AGAP1: variants seen among roughly 807,000 people sequenced by gnomAD.
AGAP1 encodes arf-GAP with GTPase, ANK repeat and PH domain-containing protein 1.
In AGAP1, 29 loss-of-function variants were observed where a neutral mutation model predicts 105.3. The observed-to-expected ratio is 0.28, with a 90% CI of 0.21 to 0.38. AGAP1 has a LOEUF of 0.38. Among genes scored for constraint, AGAP1 ranks in the 10% least tolerant of loss-of-function variants. AGAP1 has a pLI of 1.00. For synonymous variants in AGAP1, 509 were observed against 485.9 expected, an observed-to-expected ratio of 1.05 and a Z score of -0.63; for missense variants, 998 against 1,165.1, an observed-to-expected ratio of 0.86 and a Z score of 2.09.
At position 235,636,993 on chromosome 2, in the gene AGAP1, C is replaced by T. The variant is rs568260284; in HGVS notation, c.164-72186C>T. 4.6e-5 allele frequency among the ~76,000 whole-genome samples: 7 copies of T among 152,146 alleles called. No homozygotes were observed. In the South Asian group the frequency reaches 1.0e-3, roughly 23 times the overall value. The stretch of plus-strand genomic sequence containing the variant: ...AGGCTCGCAGCAGACCCTCCCTCAC[C>T]GCCCCTAAAGGAACCCGCCCTGCTG... On this transcript the variant is annotated intron_variant, in intron 1 of 17. Transcript: ENST00000304032.
chr2:236,072,659 C>G (rs1296211759), intron 16 of AGAP1: 1 of 152,198 alleles, frequency 6.6e-6, no homozygotes, highest in South Asian at 2.1e-4. Flanking sequence ...CAGGATCTCA[C>G]TTTGTTAGCC....
intron 14 of AGAP1, among the ~76,000 whole-genome samples, chr2:236,037,609 C>T (rs1576133474): frequency 6.6e-6 from 1 of 152,076 alleles, no homozygotes; most frequent in Admixed American, 6.5e-5. Context: ...GGTTTCATCA[C>T]GTTGCCCAGG....
Position 235,730,477 on chromosome 2 carries a change from T to TTAAAA in AGAP1, c.311-10486_311-10485insTAAAA, listed in dbSNP as rs1553616002. Among the ~76,000 whole-genome samples, 15 of 123,872 alleles carry TTAAAA rather than the reference T, an allele frequency of 1.2e-4. No homozygotes were observed. The South Asian group carries it at 1.4e-3, about 12-fold the overall frequency. 81.3% of individuals were successfully genotyped at this position (123,872 alleles called of 152,430 possible). A position where few individuals can be genotyped will look rare whatever the true frequency, so the allele number is the denominator to read the frequency against. ...TTGCAATGCTCTTTTGTTTACCTTT[T>TTAAAA]AAAAAAAAAAAAAAAAAAAAACGAG... On this transcript the variant is annotated intron_variant, in intron 3 of 17. Transcript: ENST00000304032.
intron 1 of AGAP1, among the ~76,000 whole-genome samples, chr2:235,589,598 C>T (rs1945262824): frequency 1.3e-5 from 2 of 152,142 alleles, no homozygotes; most frequent in Non-Finnish European, 2.9e-5. Flanking sequence ...AGGACCATGT[C>T]CGCTCTAGGT....
chr2:235,959,644 C>A lies in AGAP1; in HGVS notation c.1484-8818C>A, dbSNP rs116291320. ...GCCCGACTTCTGTCTCCTGCCACGG[C>A]CCCCCTCAATTCACATCCTAATTCA... On this transcript the variant is annotated intron_variant, in intron 12 of 17. Coordinates refer to ENST00000304032, the MANE Select transcript of AGAP1 (RefSeq NM_001037131.3). This position sits in a 1 kb window ranked among gnomAD's most constrained non-coding sequence, Gnocchi z 7.3. Among the ~76,000 whole-genome samples, 7 of 152,108 alleles carry A rather than the reference C, an allele frequency of 4.6e-5. No homozygotes were observed. Among genetic ancestry groups the A allele is most frequent in the African/African-American group, 1.4e-4 (6 of 41,496 alleles).
At chr2:235,696,105 G>A (rs537209380) in intron 1 of AGAP1, among the ~76,000 whole-genome samples, 2 of 152,298 alleles carry the variant, frequency 1.3e-5, no homozygotes, top group East Asian at 3.9e-4. Context: ...GAGTGCAGTG[G>A]CGTGATCTCA....
chr2:235,749,272 T>C (rs1953227565), intron 5 of AGAP1, among the ~76,000 whole-genome samples: 1 of 151,910 alleles, frequency 6.6e-6, no homozygotes, highest in African/African-American at 2.4e-5. Flanking sequence ...GCCCTGTGGC[T>C]GTTCACATTC....
In AGAP1 at chr2:235,934,571, C is replaced by T. The variant is rs1360355569; in HGVS notation, c.1483+3648C>T. ...TTTCAAGACTCAGCCTTGGCATAAA[C>T]ATTCCCTGCAGGGCTTAGAAAATAA... On this transcript the variant is annotated intron_variant, in intron 12 of 17. Coordinates refer to ENST00000304032, the MANE Select transcript of AGAP1 (RefSeq NM_001037131.3). This position sits in a 1 kb window ranked among gnomAD's most constrained non-coding sequence, Gnocchi z 4.9. 1.3e-5 allele frequency among the ~76,000 whole-genome samples: 2 copies of T among 152,220 alleles called. No individual in the cohort carries two copies. Among genetic ancestry groups the T allele is most frequent in the African/African-American group, 2.4e-5 (1 of 41,464 alleles).
intron 12 of AGAP1, among the ~76,000 whole-genome samples, chr2:235,935,037 C>T (rs2052922208): frequency 6.6e-6 from 1 of 152,086 alleles, no homozygotes; most frequent in South Asian, 2.1e-4. Flanking sequence ...TAGGGGCAAC[C>T]TACAAAACAG....
chr2:235,807,962 T>C (rs1957925598), intron 9 of AGAP1, among the ~76,000 whole-genome samples: 1 of 152,172 alleles, frequency 6.6e-6, no homozygotes, highest in South Asian at 2.1e-4. Context: ...TTCAACCATT[T>C]GTTTTGGCCT....
chr2:235,527,475 A>G (rs1275448279), intron 1 of AGAP1, among the ~76,000 whole-genome samples: 1 of 152,122 alleles, frequency 6.6e-6, no homozygotes, highest in East Asian at 1.9e-4. Flanking sequence ...GGTTCAGGTG[A>G]TCCCCCCACC....
chr2:235,511,811 T>G (rs1942123644), intron 1 of AGAP1, among the ~76,000 whole-genome samples: 1 of 152,164 alleles, frequency 6.6e-6, no homozygotes, highest in African/African-American at 2.4e-5. Flanking sequence ...TGCGTATTTG[T>G]GTGAGTGTGT....
In AGAP1 at chr2:235,875,499, G is replaced by A. The variant is rs768182690; in HGVS notation, c.1051-7846G>A. On this transcript the variant is annotated intron_variant, in intron 9 of 17. Transcript: ENST00000304032. This position sits in a 1 kb window ranked among gnomAD's most constrained non-coding sequence, Gnocchi z 4.0. ...AGGCTGTGCGGCTCAGGGCCAGGTC[G>A]GTTTTGAGTCACGTGCTTACTGTGT... Among the ~76,000 whole-genome samples, 1 of 152,196 alleles carries A rather than the reference G, an allele frequency of 6.6e-6. No homozygotes were observed. The highest frequency in any genetic ancestry group is 1.5e-5 in the Non-Finnish European group (1 of 68,040).
Position 235,633,086 on chromosome 2 carries a change from G to A in AGAP1, c.164-76093G>A, listed in dbSNP as rs1032212175. 2.0e-5 allele frequency among the ~76,000 whole-genome samples: 3 copies of A among 152,054 alleles called. No homozygotes were observed. The highest frequency in any genetic ancestry group is 1.3e-4 in the Admixed American group (2 of 15,270). ...CTTGAACTTCTAGCGGCAGAAAGGGGGTGATCCCTTTCTTCTCCATCATAA... is the reference window on the plus strand; with the variant it reads ...CTTGAACTTCTAGCGGCAGAAAGGGAGTGATCCCTTTCTTCTCCATCATAA... On this transcript the variant is annotated intron_variant, in intron 1 of 17. Coordinates refer to ENST00000304032, the MANE Select transcript of AGAP1 (RefSeq NM_001037131.3). The surrounding 1 kb of genome is among the most constrained non-coding windows in gnomAD (Gnocchi z 4.8).
chr2:235,809,505 G>A (rs549288286), intron 9 of AGAP1, among the ~76,000 whole-genome samples: 62 of 152,206 alleles, frequency 4.1e-4, no homozygotes, highest in Non-Finnish European at 7.1e-4. Context: ...CGGGTGCCTC[G>A]TCTGTAAAAT....
At chr2:235,708,468 G>C (rs10186625) in intron 1 of AGAP1, among the ~76,000 whole-genome samples, 1 of 152,050 alleles carries the variant, frequency 6.6e-6, no homozygotes, top group Admixed American at 6.5e-5. Context: ...AGTCAGGGGA[G>C]GCGGGGGAGA....
In AGAP1 at chr2:236,012,026, G is replaced by C. The variant is rs548726673; in HGVS notation, c.1646-24535G>C. ...AAGCTTCTAAACAAGGGAACTTAGA[G>C]CAATCAATGCCCCCGGAGACCGATG... On this transcript the variant is annotated intron_variant, in intron 13 of 17. Coordinates refer to ENST00000304032, the MANE Select transcript of AGAP1 (RefSeq NM_001037131.3). This position sits in a 1 kb window ranked among gnomAD's most constrained non-coding sequence, Gnocchi z 4.9. Among the ~76,000 whole-genome samples, 119 of 152,266 alleles carry C rather than the reference G, an allele frequency of 7.8e-4. 1 individual carries two copies. Among genetic ancestry groups the C allele is most frequent in the African/African-American group, 2.6e-3 (106 of 41,556 alleles).
chr2:236,078,145 G>T lies in AGAP1; in HGVS notation c.2114+28864G>T, dbSNP rs933673033. Among the ~76,000 whole-genome samples the T allele has an allele frequency of 6.7e-6, 1 of 149,848 alleles. No homozygotes were observed. Among genetic ancestry groups the T allele is most frequent in the African/African-American group, 2.5e-5 (1 of 40,500 alleles). ...GTGTAATCTGAAGTGTGTAGGGCAG[G>T]CCAGCCGGGGGTGTGTGTGTGTGTG... is the stretch of plus-strand genomic sequence containing the variant. On this transcript the variant is annotated intron_variant, in intron 16 of 17. Coordinates refer to ENST00000304032, the MANE Select transcript of AGAP1 (RefSeq NM_001037131.3). The surrounding 1 kb of genome is among the most constrained non-coding windows in gnomAD (Gnocchi z 5.3).
At chr2:235,499,388 G>A (rs183770640) in intron 1 of AGAP1, among the ~76,000 whole-genome samples, 1 of 152,224 alleles carries the variant, frequency 6.6e-6, no homozygotes, top group South Asian at 2.1e-4. Context: ...AGGTGTGCAT[G>A]TTTAGGGAAA....
Sources: allele counts gnomAD v4.1 joint callset (sites outside exome capture counted in the v4.1 genomes callset), GRCh38; gene constraint gnomAD v4.1.1; non-coding constraint Gnocchi (gnomAD v3.1); transcripts MANE v1.5; gene names NCBI Gene and HGNC (gene_info 2026-07-23, HGNC 2026-07-21).